TPT1: variants seen among roughly 807,000 people sequenced by gnomAD.
TPT1 encodes the protein translationally-controlled tumor protein.
A neutral mutation model predicts 22.8 loss-of-function variants in TPT1; 5 were observed. The ratio of observed to expected loss-of-function variants is 0.22; its 90% CI spans 0.11 to 0.46. The LOEUF is 0.46. Among genes scored for constraint, TPT1 ranks in the 20% least tolerant of loss-of-function variants. The probability of loss-of-function intolerance (pLI) is 0.99; values close to 1 mark genes in which losing one functional copy is unlikely to be tolerated. For synonymous variants in TPT1, 89 were observed against 73.6 expected, an observed-to-expected ratio of 1.21 and a Z score of -1.07; for missense variants, 130 against 218.7, an observed-to-expected ratio of 0.59 and a Z score of 2.56.
chr13:45,340,533 G>A, intron 2 of TPT1, 179 bp downstream of exon 2: 2 of 831,504 alleles, frequency 2.4e-6, no homozygotes, highest in African/African-American at 1.7e-5. Context: ...GCGCCGAGGC[G>A]GCGGGCCTAT....
chr13:45,340,077 G>A lies in TPT1; in HGVS notation c.210C>T (p.Val70=), dbSNP rs1593557720. The change falls in exon 3 of 6, where the codon GTC becomes GTT. Residue 70 remains valine (V), a synonymous_variant. Transcript: ENST00000530705. ...GCAGGTGATGGTTCATGACAATATCGACACCAGTGATTACTGTGCTTTCGG... is the reference window on the plus strand; with the variant it reads ...GCAGGTGATGGTTCATGACAATATCAACACCAGTGATTACTGTGCTTTCGG... ...EGTESTVITG[V]DIVMNHHLQE... 1.9e-6 allele frequency: 3 copies of A among 1,614,078 alleles called. No individual in the cohort carries two copies. The highest frequency in any genetic ancestry group is 1.1e-5 in the South Asian group (1 of 91,074).
rs79208961 is a variant in TPT1 at position 45,334,838 on chromosome 13, T to C, written c.*2548A>G. On this transcript the variant is annotated 3_prime_UTR_variant, in exon 6 of 6. Transcript: ENST00000530705. ...ACTCCCACTGCTTTACAACCCTTCC[T>C]GTCTTCTTGGGTTAGCAAAGTGGCC... 1,224 of 152,336 alleles carry C rather than the reference T, an allele frequency of 8.0e-3. 16 individuals carry two copies. Among genetic ancestry groups the C allele is most frequent in the South Asian group, 9.7e-3 (47 of 4,830 alleles). The allele number at this position is 152,336 out of a possible 1,614,324, so 9.4% of individuals were successfully genotyped here.
In TPT1 at chr13:45,340,626, G is replaced by A. The variant is rs746939180; in HGVS notation, c.102+86C>T. 21 of 1,444,116 alleles carry A rather than the reference G, an allele frequency of 1.5e-5. 1 individual carries two copies. The South Asian group carries it at 1.9e-4, about 13-fold the overall frequency. The allele number at this position is 1,444,116 out of a possible 1,614,324, so 89.5% of individuals were successfully genotyped here. On this transcript the variant is annotated intron_variant, in intron 2 of 5. Coordinates refer to ENST00000530705, the MANE Select transcript of TPT1 (RefSeq NM_003295.4). ...CTCCTCCGCCAGGAGGCGGCGGGGA[G>A]GATTGCACAACCTCAGGCGGGGGAG...
chr13:45,340,347 C>G, intron 2 of TPT1, 163 bp from the exon 3 acceptor site: 1 of 1,028,950 alleles, frequency 9.7e-7, no homozygotes, highest in Non-Finnish European at 1.5e-6. Context: ...TCAAAACGAC[C>G]TAACTTAAAA....
chr13:45,340,592 A>G, intron 2 of TPT1, 120 bp downstream of exon 2: 1 of 1,213,882 alleles, frequency 8.2e-7, no homozygotes, highest in Non-Finnish European at 1.2e-6. Flanking sequence ...CCAAGCCCGG[A>G]AAGAGCGTCT....
chr13:45,339,890 A>C, intron 3 of TPT1, 104 bp downstream of exon 3: 1 of 1,297,140 alleles, frequency 7.7e-7, no homozygotes, highest in Admixed American at 2.6e-5. Context: ...AAAAGCAAGG[A>C]CTTTCACAAA....
rs1204122389 is a variant in TPT1 at position 45,335,150 on chromosome 13, T to C, written c.*2236A>G. On this transcript the variant is annotated 3_prime_UTR_variant, in exon 6 of 6. Transcript: ENST00000530705. ...CACATCCTTATTCTTGCCCAAAACG[T>C]CTTGACCCTAGGAATAACGAGAAAA... 1 of 152,128 alleles carries C rather than the reference T, an allele frequency of 6.6e-6. No individual in the cohort carries two copies. Among genetic ancestry groups the C allele is most frequent in the Non-Finnish European group, 1.5e-5 (1 of 68,020 alleles). 9.4% of individuals were successfully genotyped at this position (152,128 alleles called of 1,614,324 possible).
At chr13:45,340,331 G>A (rs1385843236) in intron 2 of TPT1, 147 bp from the exon 3 acceptor site, 9 of 1,127,142 alleles carry the variant, frequency 8.0e-6, no homozygotes, top group Non-Finnish European at 1.2e-5. Flanking sequence ...GTGACCCGTG[G>A]ATTTCTCAAA....
At position 45,340,696 on chromosome 13, in the gene TPT1, G is replaced by C. The variant is rs529078731; in HGVS notation, c.102+16C>G. 4 of 1,548,730 alleles carry C rather than the reference G, an allele frequency of 2.6e-6. No homozygotes were observed. The highest frequency in any genetic ancestry group is 4.0e-5 in the Admixed American group (2 of 49,850). On this transcript the variant is annotated intron_variant, in intron 2 of 5. Transcript: ENST00000530705. ...CTCGGCCCGGACTCCCCCACGCGCAGGCCCGACCGACTCACCTTCCCCTCC... is the reference window on the plus strand; with the variant it reads ...CTCGGCCCGGACTCCCCCACGCGCACGCCCGACCGACTCACCTTCCCCTCC...
chr13:45,339,314 T>A (rs928533373), intron 4 of TPT1, 183 bp downstream of exon 4: 7 of 490,316 alleles, frequency 1.4e-5, no homozygotes, highest in Non-Finnish European at 2.5e-5. Context: ...AAAGAAAAAC[T>A]GAGAAATGTC....
At position 45,341,162 on chromosome 13, in the gene TPT1, G is replaced by GA; in HGVS notation, c.-94dup. 6.4e-7 allele frequency: 1 copy of GA among 1,559,718 alleles called. No individual in the cohort carries two copies. The highest frequency in any genetic ancestry group is 8.7e-7 in the Non-Finnish European group (1 of 1,147,354). ...GTGCAGCCGGAGCGGCGCTCGGGGG[G>GA]AGGGGGGAGCGGGCGGAAAAGGCCG... On this transcript the variant is annotated 5_prime_UTR_variant, in exon 1 of 6. Transcript: ENST00000530705.
At position 45,341,139 on chromosome 13, in the gene TPT1, G is replaced by A. The variant is rs1879105691; in HGVS notation, c.-70C>T. 3.1e-6 allele frequency: 5 copies of A among 1,592,536 alleles called. No homozygotes were observed. The highest frequency in any genetic ancestry group is 1.8e-5 in the Admixed American group (1 of 56,818). On this transcript the variant is annotated 5_prime_UTR_variant, in exon 1 of 6. Coordinates refer to ENST00000530705, the MANE Select transcript of TPT1 (RefSeq NM_003295.4). ...GCCTGAAACTCGGAGCGAGCGCGGTGCAGCCGGAGCGGCGCTCGGGGGGAG... is the reference window on the plus strand; with the variant it reads ...GCCTGAAACTCGGAGCGAGCGCGGTACAGCCGGAGCGGCGCTCGGGGGGAG...
chr13:45,338,450 TCAA>T, intron 5 of TPT1: 5 of 1,016,830 alleles, frequency 4.9e-6, no homozygotes, highest in Non-Finnish European at 6.9e-6. Flanking sequence ...CCATCTGCAC[TCAA>T]CGTTTTCCAC....
In TPT1 at chr13:45,338,678, A is replaced by C. The variant is rs1010281996; in HGVS notation, c.498T>G (p.Gly166=). ...VTPYMIFFKD[G]LEMEKC ...TACTTACACATTTTTCCATTTCTAAACCATCCTTAAAGAAAATCATATATG... is the reference window on the plus strand; with the variant it reads ...TACTTACACATTTTTCCATTTCTAACCCATCCTTAAAGAAAATCATATATG... Residue 166 remains glycine, a synonymous_variant, in exon 5 of 6, where the codon GGT becomes GGG. Coordinates refer to ENST00000530705, the MANE Select transcript of TPT1 (RefSeq NM_003295.4). 1.2e-6 allele frequency: 2 copies of C among 1,613,198 alleles called. No individual in the cohort carries two copies. The highest frequency in any genetic ancestry group is 2.7e-5 in the African/African-American group (2 of 74,856).
In TPT1 at chr13:45,341,156, C is replaced by G. The variant is rs898641142; in HGVS notation, c.-87G>C. The G allele has an allele frequency of 1.6e-5, 25 of 1,566,938 alleles. No homozygotes were observed. Among genetic ancestry groups the G allele is most frequent in the African/African-American group, 1.2e-4 (9 of 73,506 alleles). On this transcript the variant is annotated 5_prime_UTR_variant, in exon 1 of 6. Coordinates refer to ENST00000530705, the MANE Select transcript of TPT1 (RefSeq NM_003295.4). The stretch of plus-strand genomic sequence containing the variant: ...AGCGCGGTGCAGCCGGAGCGGCGCT[C>G]GGGGGGAGGGGGGAGCGGGCGGAAA...
At chr13:45,340,867 G>T (rs1842366165) in intron 1 of TPT1, 82 bp from the exon 2 acceptor site, 2 of 1,459,898 alleles carry the variant, frequency 1.4e-6, no homozygotes, top group Non-Finnish European at 1.8e-6. Context: ...GCCGCACGCG[G>T]GATCTGCCCC....
At position 45,341,034 on chromosome 13, in the gene TPT1, G is replaced by A. The variant is rs368184020; in HGVS notation, c.28+8C>T. 20 of 1,611,794 alleles carry A rather than the reference G, an allele frequency of 1.2e-5. No individual in the cohort carries two copies. Among genetic ancestry groups the A allele is most frequent in the Non-Finnish European group, 1.6e-5 (19 of 1,178,516 alleles). ...TGCGGCAGTAAGGATAGTGCAGTGA[G>A]GACTCACGGCTGATGAGGTCCCGGT... is the stretch of plus-strand genomic sequence containing the variant. On this transcript the variant is annotated splice_region_variant and intron_variant, in intron 1 of 5. Coordinates refer to ENST00000530705, the MANE Select transcript of TPT1 (RefSeq NM_003295.4).
chr13:45,339,911 C>T, intron 3 of TPT1, 83 bp downstream of exon 3: 2 of 1,489,316 alleles, frequency 1.3e-6, no homozygotes, highest in Non-Finnish European at 1.8e-6. Context: ...AGTATACCCA[C>T]TGCGAAAGAA....
chr13:45,340,520 T>A, intron 2 of TPT1, 192 bp downstream of exon 2: 1 of 791,008 alleles, frequency 1.3e-6, no homozygotes, highest in Non-Finnish European at 2.1e-6. Context: ...GGGAGGAGGA[T>A]GGGCGCCGAG....
Sources: gnomAD v4.1 joint callset for allele counts on GRCh38, gnomAD v4.1.1 for gene constraint, MANE v1.5 for transcripts, NCBI Gene and HGNC (gene_info 2026-07-23, HGNC 2026-07-21) for gene names.